The following PTPRK variants were observed in gnomAD, a reference collection of about 807,000 sequenced individuals.
The protein encoded by PTPRK is receptor-type tyrosine-protein phosphatase kappa.
A neutral mutation model predicts 178.0 loss-of-function variants in PTPRK; 75 were observed. The observed-to-expected ratio is 0.42, with a 90% CI of 0.35 to 0.51. The LOEUF (loss-of-function observed/expected upper bound fraction) is 0.51. Among genes scored for constraint, PTPRK ranks in the 20% least tolerant of loss-of-function variants. The pLI is 0.02. For synonymous variants in PTPRK, 637 were observed against 620.6 expected (o/e 1.03, Z -0.39); for missense variants, 1,441 against 1,797.8 (o/e 0.80, Z 3.59).
At chr6:128,464,593 T>C (rs1849498405) in intron 1 of PTPRK, among the ~76,000 whole-genome samples, 1 of 133,888 alleles carries the variant, frequency 7.5e-6, no homozygotes, top group African/African-American at 2.8e-5. Flanking sequence ...GCCTTTATTT[T>C]AGTTTAAATA....
At chr6:128,133,668 C>G (rs1242150323) in intron 7 of PTPRK, among the ~76,000 whole-genome samples, 1 of 151,342 alleles carries the variant, frequency 6.6e-6, no homozygotes, top group Non-Finnish European at 1.5e-5. Flanking sequence ...CAAGCAAAAA[C>G]CAAAAATACT....
chr6:128,343,896 T>C (rs1042825030), intron 2 of PTPRK, among the ~76,000 whole-genome samples: 1 of 152,212 alleles, frequency 6.6e-6, no homozygotes, highest in Non-Finnish European at 1.5e-5. Flanking sequence ...TCTAAGCCTA[T>C]AGCTAAGAGA....
chr6:128,194,356 G>T (rs1804502626), intron 6 of PTPRK, among the ~76,000 whole-genome samples: 1 of 152,052 alleles, frequency 6.6e-6, no homozygotes, highest in South Asian at 2.1e-4. Context: ...AAAGTGCTGG[G>T]ATTACAGGCG....
chr6:128,031,432 T>C (rs1003486651), intron 13 of PTPRK, among the ~76,000 whole-genome samples: 3 of 152,250 alleles, frequency 2.0e-5, no homozygotes, highest in African/African-American at 4.8e-5. Context: ...ACTAATGCTA[T>C]ATAAATGCTG....
At chr6:128,099,543 T>G (rs1027763111) in intron 7 of PTPRK, among the ~76,000 whole-genome samples, 1 of 152,124 alleles carries the variant, frequency 6.6e-6, no homozygotes, top group Non-Finnish European at 1.5e-5. Context: ...TAGAAACTTA[T>G]TAGAGAGACT....
At position 127,985,705 on chromosome 6, in the gene PTPRK, T is replaced by A. The variant is rs2114643535; in HGVS notation, c.3251+16A>T. ...GCTGATTGCATACAGTCAATACCAT[T>A]TGGACCACCACTTACCTGCAATGTA... On this transcript the variant is annotated intron_variant, in intron 22 of 29. Coordinates refer to ENST00000368226, the MANE Select transcript of PTPRK (RefSeq NM_002844.4). 1 of 1,602,736 alleles carries A rather than the reference T, an allele frequency of 6.2e-7. No individual in the cohort carries two copies. The highest frequency in any genetic ancestry group is 8.5e-7 in the Non-Finnish European group (1 of 1,171,436).
At chr6:128,018,929 T>C (rs1161099330) in intron 13 of PTPRK, among the ~76,000 whole-genome samples, 1 of 152,126 alleles carries the variant, frequency 6.6e-6, no homozygotes, top group Non-Finnish European at 1.5e-5. Flanking sequence ...ACCAGAAAGA[T>C]GAACAAGTGT....
intron 2 of PTPRK, among the ~76,000 whole-genome samples, chr6:128,369,137 G>A (rs1312982489): frequency 6.3e-4 from 1 of 1,580 alleles, no homozygotes; most frequent in Non-Finnish European, 3.8e-3. Flanking sequence ...AAGGGAAAGA[G>A]GTTATTTCCC....
At chr6:128,217,141 C>T (rs1364019787) in intron 6 of PTPRK, among the ~76,000 whole-genome samples, 2 of 152,104 alleles carry the variant, frequency 1.3e-5, no homozygotes, top group African/African-American at 2.4e-5. Context: ...AAATTAGGCT[C>T]AGGTGAGAGA....
intron 7 of PTPRK, among the ~76,000 whole-genome samples, chr6:128,160,008 C>A (rs1023326523): frequency 4.0e-5 from 6 of 151,612 alleles, no homozygotes; most frequent in African/African-American, 1.5e-4. Context: ...AAGAATTAAA[C>A]TTCATTTATA....
rs1406665670 is a variant in PTPRK, at chr6:128,166,352, T to C, written c.1162+18080A>G. 1.1e-4 allele frequency among the ~76,000 whole-genome samples: 16 copies of C among 151,700 alleles called. No individual in the cohort carries two copies. In the Admixed American group the frequency reaches 1.1e-3, roughly 10 times the overall value. On this transcript the variant is annotated intron_variant, in intron 7 of 29. Coordinates refer to ENST00000368226, the MANE Select transcript of PTPRK (RefSeq NM_002844.4). ...ATTCTGTGAATAAGAGCATAGATTT[T>C]GGACTCAGACTTCCCAGCTCAACCA...
intron 6 of PTPRK, among the ~76,000 whole-genome samples, chr6:128,196,148 G>A (rs1320558801): frequency 6.6e-6 from 1 of 152,002 alleles, no homozygotes. Context: ...ATGGGCAATT[G>A]GAGAATATGT....
rs537566047 is a variant in PTPRK, at chr6:128,334,653, T to C, written c.224-12343A>G. Among the ~76,000 whole-genome samples, 10 of 152,318 alleles carry C rather than the reference T, an allele frequency of 6.6e-5. No individual in the cohort carries two copies. The South Asian group carries it at 1.2e-3, about 19-fold the overall frequency. On this transcript the variant is annotated intron_variant, in intron 2 of 29. Transcript: ENST00000368226. ...TCATCAGGTCACAGGGGCAGTTCAA[T>C]TGGCCACCAAAGAAGTTTCTTCCTT...
chr6:127,980,596 T>TTGTTCTTTCATTATG (rs1775216438), intron 25 of PTPRK, among the ~76,000 whole-genome samples: 1 of 152,168 alleles, frequency 6.6e-6, no homozygotes, highest in Admixed American at 6.5e-5. Flanking sequence ...TGGGGCAAGA[T>TTGTTCTTTCATTATG]TGTTCTTTCA....
rs535691178 is a variant in PTPRK at position 128,441,763 on chromosome 6, A to G, written c.101-44075T>C. On this transcript the variant is annotated intron_variant, in intron 1 of 29. Coordinates refer to ENST00000368226, the MANE Select transcript of PTPRK (RefSeq NM_002844.4). ...TAAGACGATATATACAGAATGGTTT[A>G]CACATGAAAGAGAGCTAGACAGCTG... Among the ~76,000 whole-genome samples the G allele has an allele frequency of 3.9e-5, 6 of 152,364 alleles. No individual in the cohort carries two copies. In the East Asian group the frequency reaches 9.6e-4, roughly 24 times the overall value.
In PTPRK at chr6:128,249,666, A is replaced by G. The variant is rs550739747; in HGVS notation, c.496-7064T>C. On this transcript the variant is annotated intron_variant, in intron 3 of 29. Coordinates refer to ENST00000368226, the MANE Select transcript of PTPRK (RefSeq NM_002844.4). ...GACCTTTGGAAGTGGTGAGGTGAAA[A>G]AACTATCCAGGCGCTTTCCACACAT... Among the ~76,000 whole-genome samples, 39 of 152,228 alleles carry G rather than the reference A, an allele frequency of 2.6e-4. No homozygotes were observed. The South Asian group carries it at 3.3e-3, about 13-fold the overall frequency.
intron 24 of PTPRK, among the ~76,000 whole-genome samples, chr6:127,982,610 C>G (rs1775484078): frequency 6.6e-6 from 1 of 152,148 alleles, no homozygotes; most frequent in African/African-American, 2.4e-5. Flanking sequence ...CCCCTTTGCT[C>G]TTCCCTAAGT....
chr6:128,015,615 C>A (rs775445633), intron 13 of PTPRK, among the ~76,000 whole-genome samples: 8 of 151,668 alleles, frequency 5.3e-5, no homozygotes, highest in Non-Finnish European at 1.0e-4. Context: ...GAGGAAAAGG[C>A]AAAAGTTATG....
At chr6:128,104,647 T>C (rs1789382370) in intron 7 of PTPRK, among the ~76,000 whole-genome samples, 1 of 152,158 alleles carries the variant, frequency 6.6e-6, no homozygotes, top group Non-Finnish European at 1.5e-5. Flanking sequence ...AGTAAGTTCC[T>C]GGCATATAAG....
Sources: gnomAD v4.1 joint callset for allele counts (sites outside exome capture counted in the v4.1 genomes callset) on GRCh38, gnomAD v4.1.1 for gene constraint, MANE v1.5 for transcripts, NCBI Gene and HGNC (gene_info 2026-07-23, HGNC 2026-07-21) for gene names.